Variants in CACHD1 observed in about 807,000 individuals in gnomAD.
CACHD1 encodes the protein cache domain containing 1.
CACHD1 carries 71 observed loss-of-function variants against 138.7 expected under a neutral mutation model. That is an observed-to-expected ratio of 0.51 (90% CI 0.42 to 0.62). CACHD1 has a LOEUF of 0.62. Ranked by LOEUF, CACHD1 falls within the 20% of genes least tolerant of loss-of-function variation. The pLI is 0.00. For synonymous variants in CACHD1, 578 were observed against 591.5 expected, an observed-to-expected ratio of 0.98 and a Z score of 0.33; for missense variants, 1,389 against 1,625.3, an observed-to-expected ratio of 0.85 and a Z score of 2.50.
In CACHD1 at chr1:64,652,320, T is replaced by C; in HGVS notation, c.1540+10T>C. ...CTCATAGACGACAAAGGTAATCTGC[T>C]AAATGTTCATCCTAAGAATACTTTT... On this transcript the variant is annotated intron_variant, in intron 10 of 26. Coordinates refer to ENST00000651257, the MANE Select transcript of CACHD1 (RefSeq NM_020925.4). The C allele has an allele frequency of 6.3e-7, 1 of 1,593,724 alleles. No individual in the cohort carries two copies.
At chr1:64,625,525 G>A (rs536711416) in intron 4 of CACHD1, among the ~76,000 whole-genome samples, 1 of 152,128 alleles carries the variant, frequency 6.6e-6, no homozygotes, top group East Asian at 1.9e-4. Flanking sequence ...TACTTGGGCG[G>A]CTGAGGCAGG....
chr1:64,539,595 C>G (rs1407257666), intron 1 of CACHD1, among the ~76,000 whole-genome samples: 1 of 152,168 alleles, frequency 6.6e-6, no homozygotes, highest in Non-Finnish European at 1.5e-5. Context: ...TCCAAATATG[C>G]AGGCCAATGT....
chr1:64,504,502 C>T (rs1408868602), intron 1 of CACHD1, among the ~76,000 whole-genome samples: 1 of 152,164 alleles, frequency 6.6e-6, no homozygotes, highest in African/African-American at 2.4e-5. Context: ...CCAGAATTCT[C>T]TCGTCAGTTT....
intron 26 of CACHD1, among the ~76,000 whole-genome samples, chr1:64,688,923 G>GA (rs1650453278): frequency 1.3e-5 from 2 of 152,032 alleles, no homozygotes; most frequent in Non-Finnish European, 2.9e-5. Context: ...CTACCCAATT[G>GA]TCACCTCAAG....
intron 2 of CACHD1, among the ~76,000 whole-genome samples, 166 bp downstream of exon 2, chr1:64,550,822 T>A (rs1208719708): frequency 2.0e-5 from 3 of 152,232 alleles, no homozygotes; most frequent in African/African-American, 7.2e-5. Context: ...TTCAGATTCT[T>A]AGAGGCGGTT....
At chr1:64,501,271 A>G (rs532170665) in intron 1 of CACHD1, among the ~76,000 whole-genome samples, 1 of 152,338 alleles carries the variant, frequency 6.6e-6, no homozygotes, top group Non-Finnish European at 1.5e-5. Context: ...AAAGAAAAAT[A>G]GTTATAGCCA....
At chr1:64,654,625 TTTAA>T in intron 11 of CACHD1, 57 bp from the exon 12 acceptor site, 2 of 1,288,628 alleles carry the variant, frequency 1.6e-6, no homozygotes, top group East Asian at 4.6e-5. Context: ...CTTCCTTGCC[TTTAA>T]TTAAGTGCTT....
intron 2 of CACHD1, among the ~76,000 whole-genome samples, chr1:64,580,550 G>A (rs1647003909): frequency 6.6e-6 from 1 of 152,108 alleles, no homozygotes; most frequent in African/African-American, 2.4e-5. Context: ...AGAGGATACT[G>A]CTAAAGATTT....
chr1:64,511,736 G>A (rs1207023861), intron 1 of CACHD1, among the ~76,000 whole-genome samples: 1 of 152,206 alleles, frequency 6.6e-6, no homozygotes, highest in Non-Finnish European at 1.5e-5. Context: ...AGTTTACAAA[G>A]CAATAATTAG....
At chr1:64,580,755 G>C (rs1383529929) in intron 2 of CACHD1, among the ~76,000 whole-genome samples, 1 of 152,142 alleles carries the variant, frequency 6.6e-6, no homozygotes, top group Non-Finnish European at 1.5e-5. Context: ...AGGATGTTTA[G>C]GAGAATCCCT....
intron 2 of CACHD1, among the ~76,000 whole-genome samples, chr1:64,566,264 A>G (rs1398378772): frequency 1.3e-5 from 2 of 152,164 alleles, no homozygotes; most frequent in African/African-American, 2.4e-5. Flanking sequence ...TGCCCCCAGC[A>G]CTATTAAAAC....
intron 1 of CACHD1, among the ~76,000 whole-genome samples, chr1:64,502,262 C>A (rs1026416313): frequency 6.6e-6 from 1 of 152,162 alleles, no homozygotes; most frequent in Non-Finnish European, 1.5e-5. Flanking sequence ...TTGAGCAAAT[C>A]CTCCTGAGCC....
intron 12 of CACHD1, among the ~76,000 whole-genome samples, chr1:64,655,353 C>T (rs1649228763): frequency 6.6e-6 from 1 of 152,060 alleles, no homozygotes; most frequent in South Asian, 2.1e-4. Context: ...TACGCTCACC[C>T]ACGGCTTTAA....
chr1:64,666,463 G>T (rs1216753353), intron 16 of CACHD1, among the ~76,000 whole-genome samples: 1 of 152,194 alleles, frequency 6.6e-6, no homozygotes, highest in Non-Finnish European at 1.5e-5. Context: ...AAGAAAAGAT[G>T]TTGGAGTCTA....
intron 1 of CACHD1, among the ~76,000 whole-genome samples, chr1:64,538,729 A>G (rs1646654152): frequency 6.6e-6 from 1 of 152,234 alleles, no homozygotes; most frequent in Admixed American, 6.5e-5. Context: ...ATAAAGGAAT[A>G]TACCAGAATC....
chr1:64,679,508 C>A, intron 23 of CACHD1, 87 bp from the exon 24 acceptor site: 1 of 1,459,548 alleles, frequency 6.9e-7, no homozygotes, highest in Non-Finnish European at 9.5e-7. Flanking sequence ...CCCCTTCCCA[C>A]TGTATTCCCT....
chr1:64,509,028 T>C (rs307341), intron 1 of CACHD1, among the ~76,000 whole-genome samples: 2,773 of 152,300 alleles, frequency 0.018, 78 homozygotes, highest in African/African-American at 0.064. Flanking sequence ...TTTTTTTCCT[T>C]TTAAGGCTTT....
Position 64,654,752 on chromosome 1 carries a change from G to A in CACHD1, c.1731G>A (p.Lys577=), listed in dbSNP as rs374150345. The A allele has an allele frequency of 1.7e-5, 27 of 1,613,984 alleles. No individual in the cohort carries two copies. The highest frequency in any genetic ancestry group is 2.1e-5 in the Non-Finnish European group (25 of 1,179,864). The change falls in exon 12 of 27, where the codon AAG becomes AAA. Residue 577 remains lysine, a synonymous_variant. Coordinates refer to ENST00000651257, the MANE Select transcript of CACHD1 (RefSeq NM_020925.4). ...CATCCCTGTCTTGGCACATAAACAA[G>A]CTGAGAGAAACTGGAAAGGAAGCCT... ...VNSSLSWHIN[K]LRETGKEAYN...
intron 1 of CACHD1, among the ~76,000 whole-genome samples, chr1:64,496,308 T>TATTTAA (rs1453843780): frequency 6.6e-6 from 1 of 152,168 alleles, no homozygotes; most frequent in African/African-American, 2.4e-5. Context: ...ATAGTTGTAG[T>TATTTAA]ATTTAAGTTC....
Sources: allele counts gnomAD v4.1 joint callset (sites outside exome capture counted in the v4.1 genomes callset), GRCh38; gene constraint gnomAD v4.1.1; transcripts MANE v1.5; gene names NCBI Gene and HGNC (gene_info 2026-07-23, HGNC 2026-07-21).